Variants in TLN2 observed in about 807,000 individuals in gnomAD.
The protein encoded by TLN2 is talin-2.
In TLN2, 118 loss-of-function variants were observed where a neutral mutation model predicts 294.7. The ratio of observed to expected loss-of-function variants is 0.40; its 90% CI spans 0.34 to 0.47. The LOEUF is 0.47. Among genes scored for constraint, TLN2 ranks in the 20% least tolerant of loss-of-function variants. The pLI, the probability that TLN2 is intolerant of heterozygous loss-of-function variation, is 0.84. For missense variants in TLN2, 3,083 were observed against 3,282.2 expected, an observed-to-expected ratio of 0.94 and a Z score of 1.48; for synonymous variants, 1,431 against 1,304.5, an observed-to-expected ratio of 1.10 and a Z score of -2.09.
intron 1 of TLN2, among the ~76,000 whole-genome samples, chr15:62,490,716 T>C (rs889057233): frequency 6.6e-6 from 1 of 152,198 alleles, no homozygotes; most frequent in African/African-American, 2.4e-5. Flanking sequence ...AGGAAGCTGC[T>C]TTGGCCAGGT....
chr15:62,733,680 AATGCTACTAT>A (rs2060851688), intron 28 of TLN2, among the ~76,000 whole-genome samples: 1 of 152,244 alleles, frequency 6.6e-6, no homozygotes, highest in Admixed American at 6.5e-5. Flanking sequence ...CATTATGTAG[AATGCTACTAT>A]ATTTGATATC....
intron 9 of TLN2, among the ~76,000 whole-genome samples, chr15:62,664,558 C>G (rs2054299411): frequency 6.6e-6 from 1 of 151,898 alleles, no homozygotes; most frequent in South Asian, 2.1e-4. Flanking sequence ...TCTGTGGAAA[C>G]TAACTTCAAA....
chr15:62,608,796 G>T (rs1404772116), intron 2 of TLN2, among the ~76,000 whole-genome samples: 1 of 152,104 alleles, frequency 6.6e-6, no homozygotes, highest in Admixed American at 6.5e-5. Context: ...ACTGGTGAAT[G>T]CAAGTCCTGA....
At chr15:62,548,285 G>A (rs1354969774) in intron 1 of TLN2, among the ~76,000 whole-genome samples, 2 of 152,178 alleles carry the variant, frequency 1.3e-5, no homozygotes, top group Non-Finnish European at 2.9e-5. Context: ...GATGGAGTAT[G>A]TTGGGGACAG....
intron 17 of TLN2, 143 bp from the exon 18 acceptor site, chr15:62,701,849 G>T: frequency 1.1e-6 from 1 of 916,748 alleles, no homozygotes; most frequent in South Asian, 1.7e-5. Flanking sequence ...CAGGGAGCAG[G>T]CCAGCTCACT....
At chr15:62,712,547 A>G (rs1049344294) in intron 22 of TLN2, among the ~76,000 whole-genome samples, 1 of 80,192 alleles carries the variant, frequency 1.2e-5, no homozygotes, top group Non-Finnish European at 2.7e-5. Context: ...TTATAAAATG[A>G]TGAGGAGTTA....
intron 9 of TLN2, among the ~76,000 whole-genome samples, chr15:62,666,797 A>C (rs940247586): frequency 2.4e-4 from 36 of 152,180 alleles, no homozygotes; most frequent in African/African-American, 7.7e-4. Flanking sequence ...TCTGGATTCA[A>C]ATCCAAGTGT....
intron 54 of TLN2, among the ~76,000 whole-genome samples, chr15:62,823,211 C>T (rs558724426): frequency 3.5e-4 from 53 of 152,284 alleles, no homozygotes; most frequent in African/African-American, 1.2e-3. Context: ...TGCCTGATGG[C>T]CAGAGGTGGA....
chr15:62,469,531 G>C (rs549391546), intron 1 of TLN2, among the ~76,000 whole-genome samples: 1 of 152,332 alleles, frequency 6.6e-6, no homozygotes, highest in Admixed American at 6.5e-5. Flanking sequence ...AGGAAGACTA[G>C]TTGTTCTGCC....
At chr15:62,528,830 A>T (rs2040874615) in intron 1 of TLN2, among the ~76,000 whole-genome samples, 1 of 151,964 alleles carries the variant, frequency 6.6e-6, no homozygotes. Context: ...TTCTGTCTTC[A>T]TCTATGGCTG....
At chr15:62,478,610 T>C (rs973429140) in intron 1 of TLN2, among the ~76,000 whole-genome samples, 2 of 152,102 alleles carry the variant, frequency 1.3e-5, no homozygotes, top group African/African-American at 4.8e-5. Flanking sequence ...TCTGGTAGTC[T>C]GGAGAGCCAG....
chr15:62,581,028 C>A (rs527542323), intron 1 of TLN2, among the ~76,000 whole-genome samples: 2 of 152,072 alleles, frequency 1.3e-5, no homozygotes, highest in East Asian at 3.9e-4. Flanking sequence ...GGATTACAGG[C>A]GCCCACCACC....
At chr15:62,393,824 G>A (rs893704392) in intron 1 of TLN2, among the ~76,000 whole-genome samples, 4 of 147,772 alleles carry the variant, frequency 2.7e-5, no homozygotes, top group African/African-American at 1.0e-4. Flanking sequence ...GTTATACATC[G>A]TGCTTTGTTG....
chr15:62,473,578 A>AT (rs1232338464), intron 1 of TLN2, among the ~76,000 whole-genome samples: 1 of 152,160 alleles, frequency 6.6e-6, no homozygotes, highest in Non-Finnish European at 1.5e-5. Context: ...ATTTTGAAAA[A>AT]TTGAGTACGG....
At position 62,838,941 on chromosome 15, in the gene TLN2, ATGT is replaced by A; in HGVS notation, c.7464_7466del (p.Val2490del). On this transcript the variant is annotated inframe_deletion, in exon 58 of 59. Transcript: ENST00000636159. ...GCTTTTGGCAAAGCTGATGACGACG[ATGT>A]TGTAGTGAAAACCAAGTTTGTGGGG... The A allele has an allele frequency of 1.2e-6, 2 of 1,614,208 alleles. No homozygotes were observed. Among genetic ancestry groups the A allele is most frequent in the Non-Finnish European group, 1.7e-6 (2 of 1,180,018 alleles).
chr15:62,767,809 A>C (rs994722490), intron 41 of TLN2, among the ~76,000 whole-genome samples: 1 of 152,218 alleles, frequency 6.6e-6, no homozygotes, highest in Non-Finnish European at 1.5e-5. Context: ...TTTTTTCAGC[A>C]GTTACTTTTG....
At chr15:62,587,950 G>A (rs1294820510) in intron 1 of TLN2, among the ~76,000 whole-genome samples, 1 of 151,814 alleles carries the variant, frequency 6.6e-6, no homozygotes, top group Non-Finnish European at 1.5e-5. Flanking sequence ...GCGTGATCTC[G>A]GCTCACTGCA....
At chr15:62,529,887 C>G (rs1365250283) in intron 1 of TLN2, among the ~76,000 whole-genome samples, 1 of 152,134 alleles carries the variant, frequency 6.6e-6, no homozygotes, top group Non-Finnish European at 1.5e-5. Context: ...ATACTTTGGT[C>G]TCTGATATTT....
chr15:62,568,745 G>A (rs900358015), intron 1 of TLN2, among the ~76,000 whole-genome samples: 1 of 152,150 alleles, frequency 6.6e-6, no homozygotes, highest in Non-Finnish European at 1.5e-5. Context: ...TTTTGGGGGT[G>A]GGAACACATT....
Sources: allele counts gnomAD v4.1 joint callset (sites outside exome capture counted in the v4.1 genomes callset), GRCh38; gene constraint gnomAD v4.1.1; transcripts MANE v1.5; gene names NCBI Gene and HGNC (gene_info 2026-07-23, HGNC 2026-07-21).